The following ALKBH5 variants were observed in gnomAD, a reference collection of about 807,000 sequenced individuals.
ALKBH5 encodes RNA demethylase ALKBH5.
A neutral mutation model predicts 32.1 loss-of-function variants in ALKBH5; 2 were observed. The ratio of observed to expected loss-of-function variants is 0.06; its 90% CI spans 0.03 to 0.20. The LOEUF is 0.20. Ranked by LOEUF, ALKBH5 falls within the 10% of genes least tolerant of loss-of-function variation. The pLI, the probability that ALKBH5 is intolerant of heterozygous loss-of-function variation, is 1.00. For missense variants in ALKBH5, 352 were observed against 559.5 expected, an observed-to-expected ratio of 0.63 and a Z score of 3.74; for synonymous variants, 300 against 231.7, an observed-to-expected ratio of 1.29 and a Z score of -2.68.
chr17:18,200,457 G>A (rs888136367), intron 2 of ALKBH5, among the ~76,000 whole-genome samples: 1 of 152,162 alleles, frequency 6.6e-6, no homozygotes, highest in East Asian at 1.9e-4. Flanking sequence ...GTGGCACAAA[G>A]CAGTATATAT....
chr17:18,202,877 C>A (rs978588433), intron 2 of ALKBH5, among the ~76,000 whole-genome samples: 10 of 151,852 alleles, frequency 6.6e-5, no homozygotes, highest in Admixed American at 1.3e-4. Context: ...AGATCAAGAC[C>A]ATCCTGGCCA....
At chr17:18,189,163 G>T (rs2925137) in intron 1 of ALKBH5, among the ~76,000 whole-genome samples, 53,107 of 152,032 alleles carry the variant, frequency 0.35, 9,787 homozygotes, top group Non-Finnish European at 0.41. Flanking sequence ...GGATCACGAG[G>T]TCAGGACATC....
intron 1 of ALKBH5, among the ~76,000 whole-genome samples, chr17:18,194,723 C>T (rs1054897288): frequency 6.6e-6 from 1 of 152,136 alleles, no homozygotes; most frequent in African/African-American, 2.4e-5. Context: ...CTTAAGTGGC[C>T]AAGGGGTCTC....
In ALKBH5 at chr17:18,208,270, G is replaced by T. The variant is rs747046710; in HGVS notation, c.1059G>T (p.Leu353=). Residue 353 remains leucine, a synonymous_variant, in exon 4 of 4, where the codon CTG becomes CTT. Coordinates refer to ENST00000399138, the MANE Select transcript of ALKBH5 (RefSeq NM_017758.4). Reference sequence around the variant, plus strand: ...AAGAGAACCGGCGCTCGGTGCTGCTGCCCACACACCGGCGGAGGGGTAGCT... The same window carrying T: ...AAGAGAACCGGCGCTCGGTGCTGCTTCCCACACACCGGCGGAGGGGTAGCT... ...DKEENRRSVL[L]PTHRRRGSFS... 1 of 1,614,134 alleles carries T rather than the reference G, an allele frequency of 6.2e-7. No homozygotes were observed. Among genetic ancestry groups the T allele is most frequent in the Non-Finnish European group, 8.5e-7 (1 of 1,179,994 alleles).
At position 18,202,326 on chromosome 17, in the gene ALKBH5, C is replaced by CA. The variant is rs968825657; in HGVS notation, c.852-4480dup. 2.2e-4 allele frequency among the ~76,000 whole-genome samples: 33 copies of CA among 149,338 alleles called. No homozygotes were observed. In the South Asian group the frequency reaches 3.2e-3, roughly 14 times the overall value. ...CCGACTCAAAACAAAAAACAAAAAA[C>CA]AAAAAAAAACAGAAGTCTGATGTTG... On this transcript the variant is annotated intron_variant, in intron 2 of 3. Transcript: ENST00000399138.
chr17:18,198,427 G>C (rs574411914), intron 2 of ALKBH5, among the ~76,000 whole-genome samples: 1 of 152,186 alleles, frequency 6.6e-6, no homozygotes, highest in Non-Finnish European at 1.5e-5. Flanking sequence ...GGGAAAGGAC[G>C]GGTTGTGACA....
chr17:18,184,022 G>A lies in ALKBH5; in HGVS notation c.-222G>A, dbSNP rs771298657. On this transcript the variant is annotated 5_prime_UTR_variant, in exon 1 of 4. Transcript: ENST00000399138. ...CCCGCGGGACGTGGAGAAGGTGGAGGAGGAAGAAGCCCCGTTGTCGCCACC... is the reference window on the plus strand; with the variant it reads ...CCCGCGGGACGTGGAGAAGGTGGAGAAGGAAGAAGCCCCGTTGTCGCCACC... 4 of 672,742 alleles carry A rather than the reference G, an allele frequency of 5.9e-6. No homozygotes were observed. The highest frequency in any genetic ancestry group is 3.1e-5 in the South Asian group (2 of 65,250). The allele number at this position is 672,742 out of a possible 1,614,324, so 41.7% of individuals were successfully genotyped here. A position where few individuals can be genotyped will look rare whatever the true frequency, so the allele number is the denominator to read the frequency against.
rs552634231 is a variant in ALKBH5, at chr17:18,194,582, G to A, written c.771-373G>A. On this transcript the variant is annotated intron_variant, in intron 1 of 3. Transcript: ENST00000399138. ...TCTCCCTGGTGACTCAGTGCTATCA[G>A]TGGCTGCCTTGGCTTTCTCTACCTG... Among the ~76,000 whole-genome samples the A allele has an allele frequency of 8.5e-5, 13 of 152,306 alleles. No homozygotes were observed. The East Asian group carries it at 2.5e-3, about 29-fold the overall frequency.
At position 18,184,121 on chromosome 17, in the gene ALKBH5, C is replaced by G. The variant is rs1368758756; in HGVS notation, c.-123C>G. 1 of 910,002 alleles carries G rather than the reference C, an allele frequency of 1.1e-6. No homozygotes were observed. The highest frequency in any genetic ancestry group is 1.7e-6 in the Non-Finnish European group (1 of 597,726). The allele number at this position is 910,002 out of a possible 1,614,324, so 56.4% of individuals were successfully genotyped here. On this transcript the variant is annotated 5_prime_UTR_variant, in exon 1 of 4. Transcript: ENST00000399138. ...GACGCCCCCCGCCGGGTCCCCCACT[C>G]ACGCATGGGGGTTCGGCGCTAAGGA...
chr17:18,199,277 C>G (rs949522384), intron 2 of ALKBH5, among the ~76,000 whole-genome samples: 1 of 152,204 alleles, frequency 6.6e-6, no homozygotes, highest in Admixed American at 6.5e-5. Flanking sequence ...CAAGTCTTTT[C>G]TCTGTAATCG....
In ALKBH5 at chr17:18,208,384, G is replaced by A; in HGVS notation, c.1173G>A (p.Met391Ile). 4 of 1,613,078 alleles carry A rather than the reference G, an allele frequency of 2.5e-6. No homozygotes were observed. Among genetic ancestry groups the A allele is most frequent in the Non-Finnish European group, 3.4e-6 (4 of 1,179,478 alleles). ...AAGSPARKVK[M>I]RRH ...GCAGCCCTGCCCGAAAGGTGAAGAT[G>A]CGGCGGCACTGAGTCTACCCGCCGC... Residue 391 changes from methionine to isoleucine, a missense_variant, in exon 4 of 4, where the codon ATG becomes ATA. Met to Ile is a conservative substitution (Grantham distance 10). This residue lies in a region of ALKBH5 where 124 missense variants were observed against 142.4 expected (regional missense o/e 0.87). Transcript: ENST00000399138.
intron 2 of ALKBH5, among the ~76,000 whole-genome samples, chr17:18,205,206 A>G (rs1353486138): frequency 1.3e-5 from 2 of 152,142 alleles, no homozygotes; most frequent in Non-Finnish European, 2.9e-5. Flanking sequence ...AGCTAGTCAC[A>G]TTTCTTTCTT....
intron 2 of ALKBH5, among the ~76,000 whole-genome samples, chr17:18,204,929 A>G (rs1176432288): frequency 2.0e-5 from 3 of 151,926 alleles, no homozygotes; most frequent in African/African-American, 7.3e-5. Context: ...ATGGTGGCCC[A>G]GTCCTAGCTT....
chr17:18,204,893 C>T (rs1040282125), intron 2 of ALKBH5, among the ~76,000 whole-genome samples: 2 of 151,278 alleles, frequency 1.3e-5, no homozygotes, highest in Admixed American at 6.6e-5. Flanking sequence ...TACCCTGTCT[C>T]GCCAAAAAAA....
intron 1 of ALKBH5, among the ~76,000 whole-genome samples, chr17:18,194,193 C>G (rs2047193522): frequency 6.6e-6 from 1 of 151,918 alleles, no homozygotes. Context: ...GAGTCTCGCT[C>G]TGTTGCCCAG....
At chr17:18,201,634 T>C (rs2047236582) in intron 2 of ALKBH5, among the ~76,000 whole-genome samples, 1 of 152,122 alleles carries the variant, frequency 6.6e-6, no homozygotes, top group East Asian at 1.9e-4. Flanking sequence ...AGCATGCATC[T>C]GTAGTCCCAG....
chr17:18,202,436 G>C (rs2047247619), intron 2 of ALKBH5, among the ~76,000 whole-genome samples: 1 of 152,152 alleles, frequency 6.6e-6, no homozygotes, highest in South Asian at 2.1e-4. Context: ...GTACAGACCT[G>C]AGCTTTGTGG....
chr17:18,200,578 A>G lies in ALKBH5; in HGVS notation c.851+5543A>G, dbSNP rs1182716063. Among the ~76,000 whole-genome samples the G allele has an allele frequency of 3.3e-5, 5 of 152,260 alleles. No homozygotes were observed. The East Asian group carries it at 9.6e-4, about 29-fold the overall frequency. On this transcript the variant is annotated intron_variant, in intron 2 of 3. Coordinates refer to ENST00000399138, the MANE Select transcript of ALKBH5 (RefSeq NM_017758.4). The stretch of plus-strand genomic sequence containing the variant: ...GTGGTAACCTAAGCTGGTGTGTGCT[A>G]GGCTCTGTGCTAGTACCCGGAATGG...
chr17:18,197,000 G>A (rs987548511), intron 2 of ALKBH5, among the ~76,000 whole-genome samples: 3 of 152,218 alleles, frequency 2.0e-5, no homozygotes, highest in Non-Finnish European at 2.9e-5. Context: ...ACTTTAGTCA[G>A]TAAACAATAA....
Sources: gnomAD v4.1 joint callset for allele counts (sites outside exome capture counted in the v4.1 genomes callset) on GRCh38, gnomAD v4.1.1 for gene constraint, gnomAD v4.1.1 regional missense constraint, MANE v1.5 for transcripts, NCBI Gene and HGNC (gene_info 2026-07-23, HGNC 2026-07-21) for gene names.